The following C14orf39 variants were observed in gnomAD, a reference collection of about 807,000 sequenced individuals.
The protein encoded by C14orf39 is protein SIX6OS1.
C14orf39 carries 66 observed loss-of-function variants against 85.6 expected under a neutral mutation model. That is an observed-to-expected ratio of 0.77 (90% CI 0.63 to 0.95). C14orf39 has a LOEUF of 0.95. C14orf39 is among the 40% of genes least tolerant of loss of function. The pLI is 0.00. For synonymous variants in C14orf39, 242 were observed against 214.0 expected (o/e 1.13, Z -1.14); for missense variants, 735 against 663.9 (o/e 1.11, Z -1.18).
chr14:60,493,202 C>T (rs1893018155), intron 2 of C14orf39, among the ~76,000 whole-genome samples: 1 of 152,108 alleles, frequency 6.6e-6, no homozygotes. Flanking sequence ...AAAATAAGCC[C>T]ATATGAGGGT....
chr14:60,487,123 G>A (rs192502815), upstream of C14orf39, among the ~76,000 whole-genome samples: 173 of 152,082 alleles, frequency 1.1e-3, no homozygotes, highest in Admixed American at 3.0e-3. Context: ...GGTGTGTGTG[G>A]TGAGAACCTT....
chr14:60,444,634 T>A (rs1432068977), intron 16 of C14orf39, among the ~76,000 whole-genome samples: 2 of 152,196 alleles, frequency 1.3e-5, no homozygotes, highest in African/African-American at 4.8e-5. Context: ...CTTCAGGATA[T>A]TATCCAGGAG....
intron 17 of C14orf39, among the ~76,000 whole-genome samples, chr14:60,439,577 G>C (rs1053486190): frequency 6.6e-6 from 1 of 152,150 alleles, no homozygotes; most frequent in African/African-American, 2.4e-5. Flanking sequence ...CATCAGGGAC[G>C]TCAGAAGGAG....
At chr14:60,487,132 T>C (rs1403400076), upstream of C14orf39, among the ~76,000 whole-genome samples, 1 of 152,122 alleles carries the variant, frequency 6.6e-6, no homozygotes, top group African/African-American at 2.4e-5. Flanking sequence ...GGTGAGAACC[T>C]TTAAGATCTA....
intron 13 of C14orf39, among the ~76,000 whole-genome samples, 157 bp downstream of exon 13, chr14:60,461,197 T>G (rs570526034): frequency 6.6e-6 from 1 of 152,140 alleles, no homozygotes; most frequent in African/African-American, 2.4e-5. Context: ...ATAAAATGTA[T>G]TTGTTCTATA....
At position 60,455,129 on chromosome 14, in the gene C14orf39, C is replaced by G; in HGVS notation, c.1375G>C (p.Ala459Pro). Residue 459 changes from alanine (A) to proline (P), a missense_variant, in exon 16 of 18, where the codon GCA becomes CCA. Ala to Pro is a conservative substitution (Grantham distance 27). Coordinates refer to ENST00000321731, the MANE Select transcript of C14orf39 (RefSeq NM_174978.3). ...PPFEINRNRN[A>P]VPEVQTEKES... is the part of the protein sequence containing the mutation. ...TTTTCTGTTTGAACTTCAGGTACTG[C>G]ATTTCTATTTCTGTTACTGAGAAAT... The G allele has an allele frequency of 1.3e-6, 2 of 1,558,982 alleles. No individual in the cohort carries two copies. The highest frequency in any genetic ancestry group is 1.7e-6 in the Non-Finnish European group (2 of 1,159,714).
chr14:60,447,988 ATATG>A (rs1384784281), intron 16 of C14orf39, among the ~76,000 whole-genome samples: 1 of 152,250 alleles, frequency 6.6e-6, no homozygotes, highest in Non-Finnish European at 1.5e-5. Flanking sequence ...CTGGCTAGCC[ATATG>A]TAGAAAGCTG....
chr14:60,455,222 G>T, intron 15 of C14orf39, 77 bp from the exon 16 acceptor site: 2 of 1,015,924 alleles, frequency 2.0e-6, no homozygotes, highest in Non-Finnish European at 2.8e-6. Flanking sequence ...ATAAGCAACA[G>T]CATAGAGGTG....
upstream of C14orf39, among the ~76,000 whole-genome samples, chr14:60,488,068 G>T (rs1016277685): frequency 1.3e-5 from 2 of 151,968 alleles, no homozygotes; most frequent in Non-Finnish European, 2.9e-5. Context: ...GAAAACATAG[G>T]AAAGCAAATA....
chr14:60,465,985 A>T lies in C14orf39; in HGVS notation c.966T>A (p.Asp322Glu). 1 of 1,546,864 alleles carries T rather than the reference A, an allele frequency of 6.5e-7. No individual in the cohort carries two copies. The highest frequency in any genetic ancestry group is 8.7e-7 in the Non-Finnish European group (1 of 1,148,302). ...ANIDFRQKEN[D>E]TQIFNDSAVD... ...CTAAAAGTGAGACACCTACCTGTGT[A>T]TCATTTTCTTTTTGTCTAAAGTCAA... Residue 322 changes from aspartate to glutamate, a missense_variant, in exon 11 of 18, where the codon GAT becomes GAA. Asp to Glu is a conservative substitution (Grantham distance 45). Transcript: ENST00000321731.
chr14:60,472,954 G>A (rs910329520), intron 5 of C14orf39, among the ~76,000 whole-genome samples: 1 of 152,108 alleles, frequency 6.6e-6, no homozygotes, highest in Non-Finnish European at 1.5e-5. Flanking sequence ...GGTAATTCTA[G>A]TTCTAGATCC....
intron 16 of C14orf39, among the ~76,000 whole-genome samples, chr14:60,445,891 A>G (rs1054933949): frequency 6.6e-6 from 1 of 152,144 alleles, no homozygotes; most frequent in African/African-American, 2.4e-5. Flanking sequence ...TCAAATTAGA[A>G]CTCAGGATTA....
At chr14:60,475,833 A>T (rs1892346336) in intron 5 of C14orf39, among the ~76,000 whole-genome samples, 1 of 152,160 alleles carries the variant, frequency 6.6e-6, no homozygotes, top group African/African-American at 2.4e-5. Context: ...TTTCAAAAAA[A>T]TTCGTAGAAA....
rs779230305 is a variant in C14orf39, at chr14:60,510,039, C to G, written c.-144+5356G>C. ...AGGCGGGTGGAGGCACCTCTGGCGC[C>G]CTTACCCAGTCCCTGGCGACTCCAA... is the stretch of plus-strand genomic sequence containing the variant. On this transcript the variant is annotated intron_variant, in intron 1 of 5. Coordinates refer to the C14orf39 transcript ENST00000556799. 174 of 1,371,682 alleles carry G rather than the reference C, an allele frequency of 1.3e-4. 1 individual carries two copies. The highest frequency in any genetic ancestry group is 1.7e-4 in the Non-Finnish European group (170 of 983,226). The allele number at this position is 1,371,682 out of a possible 1,614,324, so 85.0% of individuals were successfully genotyped here.
chr14:60,452,465 T>C (rs1413982987), intron 16 of C14orf39, among the ~76,000 whole-genome samples: 3 of 150,594 alleles, frequency 2.0e-5, no homozygotes, highest in Non-Finnish European at 4.4e-5. Context: ...CTCATGGAGA[T>C]AGAGAGTAGA....
At position 60,457,511 on chromosome 14, in the gene C14orf39, TCA is replaced by T. The variant is rs1284454965; in HGVS notation, c.1180-418_1180-417del. ...TTGCTCTCATTGATTAATTACATTT[TCA>T]CACTTTTTTTGACCCTATAAATCTG... On this transcript the variant is annotated intron_variant, in intron 14 of 17. Transcript: ENST00000321731. 5.9e-5 allele frequency among the ~76,000 whole-genome samples: 9 copies of T among 152,178 alleles called. No homozygotes were observed. The East Asian group carries it at 1.7e-3, about 29-fold the overall frequency.
chr14:60,457,769 C>G (rs921479289), intron 14 of C14orf39, among the ~76,000 whole-genome samples: 6 of 151,886 alleles, frequency 4.0e-5, no homozygotes, highest in Admixed American at 6.6e-5. Flanking sequence ...TTAGACTGAA[C>G]TTGATATACA....
chr14:60,455,807 T>C (rs576244012), intron 15 of C14orf39, among the ~76,000 whole-genome samples: 1 of 152,256 alleles, frequency 6.6e-6, no homozygotes, highest in Non-Finnish European at 1.5e-5. Flanking sequence ...CTGTTGTGAA[T>C]ATTAAATGAG....
Position 60,484,121 on chromosome 14 carries a change from T to TAA in C14orf39, c.107-306_107-305dup, listed in dbSNP as rs1204610993. ...GTGATATCTAAGGTCAATCGTATCT[T>TAA]AAGATGCTATGAATTCTTGCAAACA... On this transcript the variant is annotated intron_variant, in intron 3 of 17. Transcript: ENST00000321731. The surrounding 1 kb of genome is among the most constrained non-coding windows in gnomAD (Gnocchi z 4.2). 6.6e-6 allele frequency among the ~76,000 whole-genome samples: 1 copy of TAA among 152,208 alleles called. No homozygotes were observed. Among genetic ancestry groups the TAA allele is most frequent in the African/African-American group, 2.4e-5 (1 of 41,460 alleles).
Sources: gnomAD v4.1 joint callset for allele counts (sites outside exome capture counted in the v4.1 genomes callset) on GRCh38, gnomAD v4.1.1 for gene constraint, Gnocchi (gnomAD v3.1) non-coding constraint, MANE v1.5 for transcripts, NCBI Gene and HGNC (gene_info 2026-07-23, HGNC 2026-07-21) for gene names.